The following PREPL variants were observed in gnomAD, a reference collection of about 807,000 sequenced individuals.
PREPL encodes the protein prolyl endopeptidase-like.
A neutral mutation model predicts 70.6 loss-of-function variants in PREPL; 77 were observed. The observed-to-expected ratio is 1.09, with a 90% CI of 0.91 to 1.32. The LOEUF (loss-of-function observed/expected upper bound fraction) is 1.32. Among genes scored for constraint, PREPL ranks in the 40% most tolerant of loss-of-function variants. PREPL has a pLI of 0.00. For synonymous variants in PREPL, 315 were observed against 264.8 expected (o/e 1.19, Z -1.84); for missense variants, 1,002 against 778.2 (o/e 1.29, Z -3.42).
In PREPL at chr2:44,346,267, C is replaced by T; in HGVS notation, c.75+1G>A. ...TTTTTTAAAGACATGAGATATCTTA[C>T]TTCCACATTGATGATTTCATATTCT... On this transcript the variant is annotated splice_donor_variant, in intron 2 of 13. Transcript: ENST00000409411. LOFTEE classifies it high-confidence loss of function. 2 of 1,608,116 alleles carry T rather than the reference C, an allele frequency of 1.2e-6. No homozygotes were observed. Among genetic ancestry groups the T allele is most frequent in the Non-Finnish European group, 1.7e-6 (2 of 1,178,102 alleles).
chr2:44,360,418 A>G (rs951009982), intron 1 of PREPL: 1 of 152,204 alleles, frequency 6.6e-6, no homozygotes, highest in Non-Finnish European at 1.5e-5. Context: ...GTATAGCAAA[A>G]AATCCAATTT....
At position 44,319,881 on chromosome 2, in the gene PREPL, T is replaced by C. The variant is rs1468239919; in HGVS notation, c.*1475A>G. The C allele has an allele frequency of 6.8e-6, 2 of 293,352 alleles. No individual in the cohort carries two copies. Among genetic ancestry groups the C allele is most frequent in the Non-Finnish European group, 1.3e-5 (2 of 154,826 alleles). The allele number at this position is 293,352 out of a possible 1,614,324, so 18.2% of individuals were successfully genotyped here. Reference sequence around the variant, plus strand: ...GCACAGAATGACTATGCAAGTTAAATATTCATCTTAGACATGGACATTTGC... The same window carrying C: ...GCACAGAATGACTATGCAAGTTAAACATTCATCTTAGACATGGACATTTGC... On this transcript the variant is annotated 3_prime_UTR_variant, in exon 14 of 14. Coordinates refer to ENST00000409411, the MANE Select transcript of PREPL (RefSeq NM_001171613.2).
intron 5 of PREPL, among the ~76,000 whole-genome samples, chr2:44,340,074 TTCATA>T (rs1196993779): frequency 4.6e-5 from 7 of 152,126 alleles, no homozygotes; most frequent in Non-Finnish European, 1.0e-4. Context: ...TATTTCTTAC[TTCATA>T]TATCAATTTT....
At position 44,317,797 on chromosome 2, in the gene PREPL, C is replaced by T. The variant is rs72802994; in HGVS notation, c.*3559G>A. The T allele has an allele frequency of 0.012, 1,913 of 157,182 alleles. 26 individuals are homozygous for T. Among genetic ancestry groups the T allele is most frequent in the Non-Finnish European group, 0.018 (1,275 of 71,130 alleles). 9.7% of individuals were successfully genotyped at this position (157,182 alleles called of 1,614,324 possible). On this transcript the variant is annotated 3_prime_UTR_variant, in exon 14 of 14. Transcript: ENST00000409411. ...AAAACCCTAAACAATAGTATAACTA[C>T]AAATAAAATAGGGCTTCCGAATTAT... is the stretch of plus-strand genomic sequence containing the variant.
chr2:44,327,920 C>G (rs185966998), intron 9 of PREPL, among the ~76,000 whole-genome samples: 1 of 151,516 alleles, frequency 6.6e-6, no homozygotes, highest in South Asian at 2.1e-4. Flanking sequence ...AAGGCTGAGG[C>G]GGGCGGACTG....
intron 11 of PREPL, 100 bp downstream of exon 11, chr2:44,323,162 C>T (rs990399789): frequency 6.7e-6 from 8 of 1,195,136 alleles, no homozygotes; most frequent in Non-Finnish European, 9.2e-6. Flanking sequence ...TAAGTAGAAA[C>T]ATCTCTAAAG....
At chr2:44,345,839 A>C (rs1375305416) in intron 2 of PREPL, among the ~76,000 whole-genome samples, 2 of 152,202 alleles carry the variant, frequency 1.3e-5, no homozygotes, top group Non-Finnish European at 2.9e-5. Context: ...CCTTAGAATG[A>C]TTAAAAAATT....
At chr2:44,338,325 T>C (rs1470028522) in intron 7 of PREPL, 26 bp downstream of exon 7, 2 of 1,578,242 alleles carry the variant, frequency 1.3e-6, no homozygotes, top group South Asian at 2.3e-5. Flanking sequence ...TGATTAACAG[T>C]ATTAACTTCT....
chr2:44,359,691 G>T, intron 1 of PREPL: 1 of 1,612,530 alleles, frequency 6.2e-7, no homozygotes, highest in Non-Finnish European at 8.5e-7. Flanking sequence ...AAAGCTTGGA[G>T]AAATAATTTG....
intron 1 of PREPL, among the ~76,000 whole-genome samples, chr2:44,358,898 T>G (rs1473911314): frequency 6.6e-6 from 1 of 152,192 alleles, no homozygotes; most frequent in Non-Finnish European, 1.5e-5. Flanking sequence ...AATTAGCGTA[T>G]CATTAGATTT....
intron 1 of PREPL, chr2:44,359,792 A>G (rs1013842522): frequency 2.2e-5 from 23 of 1,034,948 alleles, no homozygotes; most frequent in Admixed American, 5.7e-5. Flanking sequence ...ATTACAGAGT[A>G]GTGGGTTCTC....
chr2:44,343,390 T>TA (rs939963108), intron 4 of PREPL, among the ~76,000 whole-genome samples: 17 of 152,016 alleles, frequency 1.1e-4, no homozygotes, highest in African/African-American at 4.1e-4. Context: ...AACATGAAAT[T>TA]AAAAAAATAC....
intron 10 of PREPL, 28 bp downstream of exon 10, chr2:44,326,684 A>C (rs1267277770): frequency 6.3e-7 from 1 of 1,597,148 alleles, no homozygotes; most frequent in East Asian, 2.2e-5. Flanking sequence ...CCCCCATTCT[A>C]TAAACAGTAG....
intron 1 of PREPL, among the ~76,000 whole-genome samples, chr2:44,355,414 T>C (rs1212533127): frequency 5.3e-5 from 8 of 152,130 alleles, no homozygotes; most frequent in Non-Finnish European, 1.0e-4. Flanking sequence ...CTGGGTGTGG[T>C]GGCACATGCC....
chr2:44,323,568 G>T (rs1673196476), intron 10 of PREPL, among the ~76,000 whole-genome samples, 157 bp from the exon 11 acceptor site: 1 of 152,088 alleles, frequency 6.6e-6, no homozygotes. Flanking sequence ...CTTAACCAGG[G>T]CCTGTAATTT....
In PREPL at chr2:44,320,461, C is replaced by T. The variant is rs775393219; in HGVS notation, c.*895G>A. The stretch of plus-strand genomic sequence containing the variant: ...AGAATAAGGTTAAGTACCAATTCTG[C>T]CGACAAAGGCAGTAAAGTTGATACA... On this transcript the variant is annotated 3_prime_UTR_variant, in exon 14 of 14. Transcript: ENST00000409411. 6.2e-7 allele frequency: 1 copy of T among 1,614,114 alleles called. No individual in the cohort carries two copies. Among genetic ancestry groups the T allele is most frequent in the East Asian group, 2.2e-5 (1 of 44,882 alleles).
At chr2:44,343,010 C>T (rs775979795) in intron 4 of PREPL, among the ~76,000 whole-genome samples, 2 of 152,184 alleles carry the variant, frequency 1.3e-5, no homozygotes, top group Non-Finnish European at 2.9e-5. Context: ...CTTGATCCCA[C>T]CAGAAGCTGT....
rs1339708525 is a variant in PREPL at position 44,322,677 on chromosome 2, G to C, written c.1753+54C>G. On this transcript the variant is annotated intron_variant, in intron 12 of 13. Coordinates refer to ENST00000409411, the MANE Select transcript of PREPL (RefSeq NM_001171613.2). ...TGAAATATATTCCTCTGAGCAGTGT[G>C]CTGTGGGTAGTAGTCTGTTTGGCCA... 6 of 1,578,990 alleles carry C rather than the reference G, an allele frequency of 3.8e-6. No individual in the cohort carries two copies. The African/African-American group carries it at 6.8e-5, about 18-fold the overall frequency.
chr2:44,336,315 T>C (rs1674633842), intron 7 of PREPL, among the ~76,000 whole-genome samples: 1 of 152,258 alleles, frequency 6.6e-6, no homozygotes, highest in South Asian at 2.1e-4. Context: ...ATAGACTGGA[T>C]ACAGAAAATG....
Sources: allele counts gnomAD v4.1 joint callset (sites outside exome capture counted in the v4.1 genomes callset), GRCh38; gene constraint gnomAD v4.1.1; transcripts MANE v1.5; gene names NCBI Gene and HGNC (gene_info 2026-07-23, HGNC 2026-07-21).